Variants in LRRTM4 observed in about 807,000 individuals in gnomAD.
LRRTM4 encodes leucine-rich repeat transmembrane neuronal protein 4.
In LRRTM4, 25 loss-of-function variants were observed where a neutral mutation model predicts 47.6. That is an observed-to-expected ratio of 0.53 (90% CI 0.38 to 0.73). The LOEUF (loss-of-function observed/expected upper bound fraction) is 0.73. LRRTM4 is among the 30% of genes least tolerant of loss of function. The probability of loss-of-function intolerance (pLI) is 0.00; values close to 1 mark genes in which losing one functional copy is unlikely to be tolerated. For synonymous variants in LRRTM4, 311 were observed against 269.5 expected (o/e 1.15, Z -1.51); for missense variants, 638 against 713.4 (o/e 0.89, Z 1.20).
At chr2:77,251,251 A>G (rs529691370) in intron 3 of LRRTM4, among the ~76,000 whole-genome samples, 61 of 100,466 alleles carry the variant, frequency 6.1e-4, no homozygotes, top group Non-Finnish European at 1.0e-3. Flanking sequence ...GTGTGTGTGT[A>G]TATATATATA....
chr2:77,267,670 TAGTC>T (rs965104262), intron 3 of LRRTM4, among the ~76,000 whole-genome samples: 7 of 148,872 alleles, frequency 4.7e-5, no homozygotes, highest in African/African-American at 1.7e-4. Flanking sequence ...CCTCCCTGGT[TAGTC>T]CTATTTCAAA....
chr2:77,489,826 A>C (rs539961039), intron 3 of LRRTM4, among the ~76,000 whole-genome samples: 13 of 152,220 alleles, frequency 8.5e-5, no homozygotes, highest in African/African-American at 1.4e-4. Flanking sequence ...ACAAAATATC[A>C]GATGTGGAGA....
At chr2:77,146,689 T>A (rs1485850168) in intron 3 of LRRTM4, among the ~76,000 whole-genome samples, 2 of 152,214 alleles carry the variant, frequency 1.3e-5, no homozygotes, top group Admixed American at 1.3e-4. Flanking sequence ...ATTAAACATA[T>A]GTTTCACTAA....
intron 3 of LRRTM4, among the ~76,000 whole-genome samples, chr2:77,030,215 G>A (rs888072600): frequency 1.3e-5 from 2 of 152,160 alleles, no homozygotes; most frequent in East Asian, 1.9e-4. Context: ...GGGAGATCAC[G>A]AGGTCAGGAG....
At chr2:76,807,413 T>TATATATACACACAC (rs1670528074) in intron 3 of LRRTM4, among the ~76,000 whole-genome samples, 6 of 95,032 alleles carry the variant, frequency 6.3e-5, no homozygotes, top group African/African-American at 2.8e-4. Context: ...TATACGTATA[T>TATATATACACACAC]ATATATATAT....
At chr2:76,788,596 T>C (rs1674802715) in intron 3 of LRRTM4, among the ~76,000 whole-genome samples, 1 of 152,216 alleles carries the variant, frequency 6.6e-6, no homozygotes, top group African/African-American at 2.4e-5. Flanking sequence ...CAAGGAAGTT[T>C]ATAATGCAAG....
chr2:77,316,338 A>G (rs906888417), intron 3 of LRRTM4, among the ~76,000 whole-genome samples: 12 of 152,200 alleles, frequency 7.9e-5, no homozygotes, highest in African/African-American at 2.7e-4. Context: ...TAAATAGGCA[A>G]TTATGAAAAG....
At chr2:76,811,479 C>G (rs920631898) in intron 3 of LRRTM4, among the ~76,000 whole-genome samples, 1 of 152,116 alleles carries the variant, frequency 6.6e-6, no homozygotes, top group African/African-American at 2.4e-5. Flanking sequence ...TCAGAGGTGG[C>G]AGCCAGACCA....
intron 3 of LRRTM4, among the ~76,000 whole-genome samples, chr2:77,458,139 C>T (rs1676634023): frequency 6.6e-6 from 1 of 152,106 alleles, no homozygotes; most frequent in Admixed American, 6.6e-5. Context: ...AGAGTACAGA[C>T]AGTCAATAAT....
chr2:77,405,757 G>GC (rs1383313537), intron 3 of LRRTM4, among the ~76,000 whole-genome samples: 1 of 152,066 alleles, frequency 6.6e-6, no homozygotes, highest in Non-Finnish European at 1.5e-5. Context: ...TCCAGCCATC[G>GC]CATGTCTGTT....
At chr2:77,258,436 C>T (rs1675828446) in intron 3 of LRRTM4, among the ~76,000 whole-genome samples, 1 of 151,974 alleles carries the variant, frequency 6.6e-6, no homozygotes, top group African/African-American at 2.4e-5. Context: ...GAACTATAAT[C>T]ACATTTTATA....
At chr2:77,126,542 T>C (rs1671657263) in intron 3 of LRRTM4, among the ~76,000 whole-genome samples, 1 of 152,176 alleles carries the variant, frequency 6.6e-6, no homozygotes, top group Non-Finnish European at 1.5e-5. Context: ...GTGATTCCAT[T>C]ACAACAGAGA....
intron 3 of LRRTM4, among the ~76,000 whole-genome samples, chr2:76,860,448 T>C (rs1406048489): frequency 1.3e-5 from 2 of 152,156 alleles, no homozygotes; most frequent in Non-Finnish European, 2.9e-5. Context: ...GTGTGCAGAT[T>C]ATCTTAGAAA....
intron 3 of LRRTM4, among the ~76,000 whole-genome samples, chr2:77,424,982 A>T (rs546830661): frequency 1.3e-5 from 2 of 152,288 alleles, no homozygotes; most frequent in South Asian, 2.1e-4. Flanking sequence ...AATATGAAAC[A>T]TCTTTGAATC....
At chr2:77,105,551 C>G (rs1671073200) in intron 3 of LRRTM4, among the ~76,000 whole-genome samples, 3 of 151,522 alleles carry the variant, frequency 2.0e-5, no homozygotes, top group Admixed American at 1.3e-4. Flanking sequence ...GGAGATATAC[C>G]TAATGTTAAA....
intron 3 of LRRTM4, among the ~76,000 whole-genome samples, chr2:77,174,835 C>G (rs1242904166): frequency 2.6e-5 from 4 of 151,880 alleles, no homozygotes; most frequent in African/African-American, 9.7e-5. Context: ...TGTGATGTTC[C>G]CCTTCCTGTG....
rs1177678555 is a variant in LRRTM4 at position 77,157,297 on chromosome 2, G to C, written c.1551+361021C>G. On this transcript the variant is annotated intron_variant, in intron 3 of 3. Coordinates refer to ENST00000409884, the MANE Select transcript of LRRTM4 (RefSeq NM_001134745.3). Reference sequence around the variant, plus strand: ...GAAGAAGGAAGGTAATTATGAGGAGGGGAATCATCATATCAGTAAGGTGTC... The same window carrying C: ...GAAGAAGGAAGGTAATTATGAGGAGCGGAATCATCATATCAGTAAGGTGTC... Among the ~76,000 whole-genome samples, 3 of 151,962 alleles carry C rather than the reference G, an allele frequency of 2.0e-5. No individual in the cohort carries two copies. In the East Asian group the frequency reaches 5.8e-4, roughly 29 times the overall value.
chr2:77,212,352 CA>C (rs1674315441), intron 3 of LRRTM4, among the ~76,000 whole-genome samples: 2 of 83,012 alleles, frequency 2.4e-5, no homozygotes, highest in Admixed American at 2.7e-4. Context: ...AAGATTAACT[CA>C]TGATATATAT....
chr2:77,025,178 A>C (rs1678412673), intron 3 of LRRTM4, among the ~76,000 whole-genome samples: 2 of 152,212 alleles, frequency 1.3e-5, no homozygotes, highest in Non-Finnish European at 2.9e-5. Flanking sequence ...ATGACATGTC[A>C]AGAGATCACA....
Sources: gnomAD v4.1 joint callset for allele counts (sites outside exome capture counted in the v4.1 genomes callset) on GRCh38, gnomAD v4.1.1 for gene constraint, MANE v1.5 for transcripts, NCBI Gene and HGNC (gene_info 2026-07-23, HGNC 2026-07-21) for gene names.